Variants in PTPRN2 observed in about 807,000 individuals in gnomAD.
PTPRN2 encodes the protein receptor-type tyrosine-protein phosphatase N2.
Under a neutral mutation model 118.8 loss-of-function variants are expected in PTPRN2, and 74 were observed. That is an observed-to-expected ratio of 0.62 (90% CI 0.52 to 0.76). The LOEUF (loss-of-function observed/expected upper bound fraction) is 0.76, where lower values mean the gene tolerates loss of function less well. Among genes scored for constraint, PTPRN2 ranks in the 30% least tolerant of loss-of-function variants. The pLI, the probability that PTPRN2 is intolerant of heterozygous loss-of-function variation, is 0.00. For missense variants in PTPRN2, 1,481 were observed against 1,394.4 expected (o/e 1.06, Z -0.99); for synonymous variants, 641 against 608.0 (o/e 1.05, Z -0.80).
At chr7:158,031,464 T>G (rs546168687) in intron 11 of PTPRN2, among the ~76,000 whole-genome samples, 3 of 152,360 alleles carry the variant, frequency 2.0e-5, no homozygotes, top group African/African-American at 4.8e-5. Context: ...AATATGTTTG[T>G]GCCAAATTCC....
At chr7:157,819,993 A>G (rs1290662887) in intron 12 of PTPRN2, among the ~76,000 whole-genome samples, 1 of 151,332 alleles carries the variant, frequency 6.6e-6, no homozygotes, top group Non-Finnish European at 1.5e-5. Context: ...ACACACCCAC[A>G]CACACAGAGG....
At chr7:158,200,174 A>G (rs1048814329) in intron 4 of PTPRN2, among the ~76,000 whole-genome samples, 8 of 152,200 alleles carry the variant, frequency 5.3e-5, no homozygotes, top group Non-Finnish European at 8.8e-5. Flanking sequence ...ACTTGATCTT[A>G]TAAAAGCTGA....
chr7:157,704,336 A>T (rs1798222644), intron 12 of PTPRN2, among the ~76,000 whole-genome samples: 1 of 152,234 alleles, frequency 6.6e-6, no homozygotes, highest in African/African-American at 2.4e-5. Flanking sequence ...TTTTATTACC[A>T]TCTTGACTCT....
intron 2 of PTPRN2, among the ~76,000 whole-genome samples, chr7:158,456,714 CAGTT>C (rs1818537223): frequency 6.6e-6 from 1 of 152,238 alleles, no homozygotes; most frequent in African/African-American, 2.4e-5. Flanking sequence ...AGGGTGGAGT[CAGTT>C]AGAGAAAATC....
chr7:157,622,886 C>T lies in PTPRN2; in HGVS notation c.2197-1377G>A, dbSNP rs767497069. ...CCGACTGCCTGCTCCACGCAGCGAA[C>T]GCTTTTCCCCCACCACACCTTGAGC... On this transcript the variant is annotated intron_variant, in intron 14 of 22. Coordinates refer to ENST00000389418, the MANE Select transcript of PTPRN2 (RefSeq NM_002847.5). The surrounding 1 kb of genome is among the most constrained non-coding windows in gnomAD (Gnocchi z 5.3). Among the ~76,000 whole-genome samples, 29 of 152,314 alleles carry T rather than the reference C, an allele frequency of 1.9e-4. No individual in the cohort carries two copies. Among genetic ancestry groups the T allele is most frequent in the African/African-American group, 3.4e-4 (14 of 41,572 alleles).
chr7:158,036,541 T>A (rs981694691), intron 11 of PTPRN2, among the ~76,000 whole-genome samples: 2 of 152,068 alleles, frequency 1.3e-5, no homozygotes, highest in Non-Finnish European at 2.9e-5. Context: ...CAAAAAATAA[T>A]AGCAACCAAA....
chr7:157,848,177 T>C (rs909953554), intron 12 of PTPRN2, among the ~76,000 whole-genome samples: 1 of 144,394 alleles, frequency 6.9e-6, no homozygotes, highest in Non-Finnish European at 1.5e-5. Context: ...CGTGTGTGCC[T>C]GATGTTTACA....
At chr7:158,431,522 G>A (rs554544192) in intron 2 of PTPRN2, among the ~76,000 whole-genome samples, 10 of 126,760 alleles carry the variant, frequency 7.9e-5, no homozygotes, top group African/African-American at 3.1e-4. Context: ...CACACAGCAG[G>A]CACACTGGCT....
At position 158,332,475 on chromosome 7, in the gene PTPRN2, T is replaced by G. The variant is rs1450755408; in HGVS notation, c.164-15543A>C. Among the ~76,000 whole-genome samples, 4 of 144,892 alleles carry G rather than the reference T, an allele frequency of 2.8e-5. 1 individual carries two copies. The highest frequency in any genetic ancestry group is 1.1e-4 in the African/African-American group (4 of 37,530). On this transcript the variant is annotated intron_variant, in intron 2 of 22. Transcript: ENST00000389418. ...CACTCTCACCATAAGAGGTGACATCTACAGACGGCACTCACACCCACACTC... is the reference window on the plus strand; with the variant it reads ...CACTCTCACCATAAGAGGTGACATCGACAGACGGCACTCACACCCACACTC...
rs1803874631 is a variant in PTPRN2, at chr7:157,784,266, A to C, written c.1789-101329T>G. On this transcript the variant is annotated intron_variant, in intron 12 of 22. Coordinates refer to ENST00000389418, the MANE Select transcript of PTPRN2 (RefSeq NM_002847.5). The surrounding 1 kb of genome is among the most constrained non-coding windows in gnomAD (Gnocchi z 4.6). ...GGAAAGGCACCAACTAGGTCTCAGGAGGCCAAGTGGGGGGCCTGCCCCCAC... is the reference window on the plus strand; with the variant it reads ...GGAAAGGCACCAACTAGGTCTCAGGCGGCCAAGTGGGGGGCCTGCCCCCAC... Among the ~76,000 whole-genome samples the C allele has an allele frequency of 6.6e-6, 1 of 152,110 alleles. No homozygotes were observed. The highest frequency in any genetic ancestry group is 1.5e-5 in the Non-Finnish European group (1 of 68,018).
chr7:157,577,059 C>T (rs1228463179), intron 18 of PTPRN2, among the ~76,000 whole-genome samples: 1 of 152,184 alleles, frequency 6.6e-6, no homozygotes, highest in Non-Finnish European at 1.5e-5. Flanking sequence ...CAAAACTATC[C>T]TACTTTCTGT....
chr7:158,458,046 A>C (rs1450461362), intron 2 of PTPRN2, among the ~76,000 whole-genome samples: 1 of 152,136 alleles, frequency 6.6e-6, no homozygotes, highest in African/African-American at 2.4e-5. Context: ...AGAGAAAGTT[A>C]ATTTGGTGTC....
At chr7:158,124,297 C>T (rs1817434209) in intron 9 of PTPRN2, among the ~76,000 whole-genome samples, 1 of 152,192 alleles carries the variant, frequency 6.6e-6, no homozygotes. Context: ...CTGGAGAGTT[C>T]CCTAAAATCA....
chr7:157,925,537 A>T (rs1038393707), intron 11 of PTPRN2, among the ~76,000 whole-genome samples: 1 of 152,016 alleles, frequency 6.6e-6, no homozygotes, highest in Admixed American at 6.5e-5. Flanking sequence ...CTCTCCCTCC[A>T]GCTTCCTTTG....
chr7:157,922,252 C>T (rs551906920), intron 11 of PTPRN2, among the ~76,000 whole-genome samples: 3 of 152,238 alleles, frequency 2.0e-5, no homozygotes, highest in African/African-American at 7.2e-5. Context: ...CATCTTCATA[C>T]GGGATTTTTG....
At chr7:157,740,041 C>T (rs959783995) in intron 12 of PTPRN2, among the ~76,000 whole-genome samples, 24 of 152,188 alleles carry the variant, frequency 1.6e-4, no homozygotes, top group African/African-American at 5.3e-4. Context: ...TTTTTTATAT[C>T]TACATGGGTT....
intron 16 of PTPRN2, among the ~76,000 whole-genome samples, chr7:157,601,686 C>T (rs1470512973): frequency 6.6e-6 from 1 of 152,236 alleles, no homozygotes; most frequent in Admixed American, 6.5e-5. Flanking sequence ...GCACTGCTGC[C>T]CACGCTGGGG....
At position 157,671,377 on chromosome 7, in the gene PTPRN2, G is replaced by A. The variant is rs963723048; in HGVS notation, c.2001+11348C>T. Among the ~76,000 whole-genome samples, 5 of 152,144 alleles carry A rather than the reference G, an allele frequency of 3.3e-5. No homozygotes were observed. Among genetic ancestry groups the A allele is most frequent in the Non-Finnish European group, 5.9e-5 (4 of 68,034 alleles). On this transcript the variant is annotated intron_variant, in intron 13 of 22. Transcript: ENST00000389418. The surrounding 1 kb of genome is among the most constrained non-coding windows in gnomAD (Gnocchi z 4.1). Reference sequence around the variant, plus strand: ...GGTGACGAGACGTCACCGCAGAGGCGGCAGAAGGGATAAAGGGGAGGTAGG... The same window carrying A: ...GGTGACGAGACGTCACCGCAGAGGCAGCAGAAGGGATAAAGGGGAGGTAGG...
chr7:158,072,698 G>A (rs756015064), intron 11 of PTPRN2, among the ~76,000 whole-genome samples: 9 of 152,172 alleles, frequency 5.9e-5, no homozygotes, highest in Admixed American at 3.3e-4. Flanking sequence ...CTCTGTGTTA[G>A]TCTGATCAAC....
Sources: allele counts gnomAD v4.1 joint callset (sites outside exome capture counted in the v4.1 genomes callset), GRCh38; gene constraint gnomAD v4.1.1; non-coding constraint Gnocchi (gnomAD v3.1); transcripts MANE v1.5; gene names NCBI Gene and HGNC (gene_info 2026-07-23, HGNC 2026-07-21).